The following PHLPP2 variants were observed in gnomAD, a reference collection of about 807,000 sequenced individuals.
The protein encoded by PHLPP2 is PH domain and leucine rich repeat protein phosphatase 2.
Under a neutral mutation model 124.9 loss-of-function variants are expected in PHLPP2, and 66 were observed. That is an observed-to-expected ratio of 0.53 (90% CI 0.43 to 0.65). The LOEUF (loss-of-function observed/expected upper bound fraction) is 0.65. Ranked by LOEUF, PHLPP2 falls within the 30% of genes least tolerant of loss-of-function variation. PHLPP2 has a pLI of 0.00. For synonymous variants in PHLPP2, 681 were observed against 624.7 expected, an observed-to-expected ratio of 1.09 and a Z score of -1.34; for missense variants, 1,685 against 1,600.4, an observed-to-expected ratio of 1.05 and a Z score of -0.90.
chr16:71,663,815 CAT>C (rs1420782109), intron 13 of PHLPP2, 82 bp downstream of exon 13: 1 of 1,034,360 alleles, frequency 9.7e-7, no homozygotes, highest in Non-Finnish European at 1.5e-6. Flanking sequence ...AACAAAGAGT[CAT>C]AGTCAGATGG....
chr16:71,700,519 C>CTTTTTTTT (rs1234453846), intron 3 of PHLPP2, among the ~76,000 whole-genome samples: 57 of 83,354 alleles, frequency 6.8e-4, no homozygotes, highest in Middle Eastern at 0.013. Flanking sequence ...TGACTCATTT[C>CTTTTTTTT]TTTTTTTTTT....
rs377744063 is a variant in PHLPP2, at chr16:71,675,769, G to A, written c.1471+678C>T. 9.2e-5 allele frequency among the ~76,000 whole-genome samples: 14 copies of A among 152,194 alleles called. No individual in the cohort carries two copies. The South Asian group carries it at 2.9e-3, about 32-fold the overall frequency. ...CACAAGTCTCACCCAGTTCTCTCAT[G>A]AGAACATGCAATGGCACGGTCTCAG... On this transcript the variant is annotated intron_variant, in intron 9 of 18. Coordinates refer to ENST00000568954, the MANE Select transcript of PHLPP2 (RefSeq NM_015020.3).
In PHLPP2 at chr16:71,684,650, T is replaced by C. The variant is rs749808745; in HGVS notation, c.610-49A>G. The C allele has an allele frequency of 2.6e-6, 4 of 1,526,896 alleles. No homozygotes were observed. In the African/African-American group the frequency reaches 4.2e-5, roughly 16 times the overall value. 94.6% of individuals were successfully genotyped at this position (1,526,896 alleles called of 1,614,324 possible). A position where few individuals can be genotyped will look rare whatever the true frequency, so the allele number is the denominator to read the frequency against. On this transcript the variant is annotated intron_variant, in intron 4 of 18. Transcript: ENST00000568954. Reference sequence around the variant, plus strand: ...CCAGAACCACTAAAAAAAAAAATCCTAGTCAAAAAGCAAAAGGCAATCACA... The same window carrying C: ...CCAGAACCACTAAAAAAAAAAATCCCAGTCAAAAAGCAAAAGGCAATCACA...
chr16:71,671,396 C>T (rs1347826624), intron 10 of PHLPP2, among the ~76,000 whole-genome samples: 2 of 152,004 alleles, frequency 1.3e-5, no homozygotes, highest in African/African-American at 4.8e-5. Context: ...CTTTGATCTG[C>T]TTTGGGCACC....
chr16:71,647,669 TA>T lies in PHLPP2; in HGVS notation c.*1220del, dbSNP rs1487020275. The T allele has an allele frequency of 2.0e-5, 3 of 152,224 alleles. No individual in the cohort carries two copies. Among genetic ancestry groups the T allele is most frequent in the Non-Finnish European group, 4.4e-5 (3 of 68,050 alleles). The allele number at this position is 152,224 out of a possible 1,614,324, so 9.4% of individuals were successfully genotyped here. On this transcript the variant is annotated 3_prime_UTR_variant, in exon 19 of 19. Coordinates refer to ENST00000568954, the MANE Select transcript of PHLPP2 (RefSeq NM_015020.3). The stretch of plus-strand genomic sequence containing the variant: ...GCTGTCTGCCAATTCCTCCACATGC[TA>T]GGGAAAGACGCCAATCCCTAAATTT...
chr16:71,707,072 A>G (rs1391891363), intron 2 of PHLPP2, among the ~76,000 whole-genome samples: 1 of 144,778 alleles, frequency 6.9e-6, no homozygotes, highest in African/African-American at 2.6e-5. Context: ...CTCCTGCCTC[A>G]GCCTCCCGAG....
chr16:71,688,434 ATTCTTAT>A (rs1470115500), intron 4 of PHLPP2, among the ~76,000 whole-genome samples: 1 of 152,118 alleles, frequency 6.6e-6, no homozygotes, highest in Admixed American at 6.6e-5. Context: ...ATAGGCAGAT[ATTCTTAT>A]TTCTGAATTT....
At chr16:71,683,862 C>T (rs8052489) in intron 5 of PHLPP2, among the ~76,000 whole-genome samples, 52,883 of 151,790 alleles carry the variant, frequency 0.35, 10,016 homozygotes, top group East Asian at 0.76. Flanking sequence ...ATGATCTTGG[C>T]TCACTGCAAT....
intron 7 of PHLPP2, 132 bp downstream of exon 7, chr16:71,679,257 G>T: frequency 1.3e-6 from 1 of 793,660 alleles, no homozygotes; most frequent in Non-Finnish European, 2.0e-6. Context: ...GTCAAAAACT[G>T]CTGCTGACTA....
At chr16:71,679,191 C>T (rs1438119931) in intron 7 of PHLPP2, among the ~76,000 whole-genome samples, 198 bp downstream of exon 7, 1 of 152,192 alleles carries the variant, frequency 6.6e-6, no homozygotes, top group East Asian at 1.9e-4. Flanking sequence ...AGAGTTAAGA[C>T]CGCTGCTGTT....
rs2045242841 is a variant in PHLPP2, at chr16:71,702,650, T to C, written c.366A>G (p.Ile122Met). 4 of 1,611,128 alleles carry C rather than the reference T, an allele frequency of 2.5e-6. No homozygotes were observed. Among genetic ancestry groups the C allele is most frequent in the Non-Finnish European group, 2.5e-6 (3 of 1,178,902 alleles). The change falls in exon 3 of 19, where the codon ATA becomes ATG. Residue 122 changes from isoleucine (I) to methionine (M), a missense_variant. Transcript: ENST00000568954. ...GGTCAGGATTTGTAGCCTCCTCCTG[T>C]ATGCGCACAGGATCATCAAATCCCA... ...SRLGFDDPVR[I>M]QEEATNPDLG...
At chr16:71,672,512 T>C (rs770790129) in intron 9 of PHLPP2, among the ~76,000 whole-genome samples, 190 bp from the exon 10 acceptor site, 2 of 152,230 alleles carry the variant, frequency 1.3e-5, no homozygotes, top group Non-Finnish European at 2.9e-5. Context: ...GAAAAACAAA[T>C]GTAACAGCTA....
chr16:71,697,801 T>TTC (rs1010554941), intron 3 of PHLPP2, among the ~76,000 whole-genome samples: 1 of 146,692 alleles, frequency 6.8e-6, no homozygotes, highest in Non-Finnish European at 1.5e-5. Flanking sequence ...GGTTTGCTCT[T>TTC]TCTCTCTCTC....
intron 18 of PHLPP2, among the ~76,000 whole-genome samples, chr16:71,652,007 C>T (rs1596986321): frequency 6.6e-6 from 1 of 152,130 alleles, no homozygotes. Context: ...ACCAAAAGCA[C>T]GATCCATGAG....
intron 17 of PHLPP2, 77 bp from the exon 18 acceptor site, chr16:71,653,098 T>TA: frequency 5.1e-5 from 33 of 644,002 alleles, no homozygotes; most frequent in Non-Finnish European, 7.4e-5. Context: ...GTACATCCCT[T>TA]CTTTTTTTTT....
At chr16:71,713,626 TGCA>T (rs1315714138) in intron 2 of PHLPP2, among the ~76,000 whole-genome samples, 1 of 152,180 alleles carries the variant, frequency 6.6e-6, no homozygotes, top group Non-Finnish European at 1.5e-5. Flanking sequence ...TGAACACTAC[TGCA>T]GCCATTAAAT....
chr16:71,708,613 C>T (rs775087060), intron 2 of PHLPP2, among the ~76,000 whole-genome samples: 1 of 152,208 alleles, frequency 6.6e-6, no homozygotes, highest in Non-Finnish European at 1.5e-5. Context: ...TGGTGAAACC[C>T]CGTCTCTACT....
At chr16:71,660,487 G>A (rs1409917593) in intron 13 of PHLPP2, among the ~76,000 whole-genome samples, 15 of 126,590 alleles carry the variant, frequency 1.2e-4, no homozygotes, top group African/African-American at 4.2e-4. Context: ...GTGCAGTGGC[G>A]CAATCTTGGC....
chr16:71,678,767 T>C lies in PHLPP2; in HGVS notation c.1256A>G (p.His419Arg). The C allele has an allele frequency of 1.3e-6, 2 of 1,579,222 alleles. No individual in the cohort carries two copies. Among genetic ancestry groups the C allele is most frequent in the African/African-American group, 1.3e-5 (1 of 74,400 alleles). ...GVLNRMNHIK[H>R]VDLRMNHLKT... is the part of the protein sequence containing the mutation. ...AGAATAACCTTACCTTAAATCCACATGCTTGATATGGTTCATCCTATTCAG... is the reference window on the plus strand; with the variant it reads ...AGAATAACCTTACCTTAAATCCACACGCTTGATATGGTTCATCCTATTCAG... The change falls in exon 8 of 19, where the codon CAT (histidine) becomes CGT (arginine). Residue 419 changes from histidine to arginine, a missense_variant. Transcript: ENST00000568954.
Sources: gnomAD v4.1 joint callset for allele counts (sites outside exome capture counted in the v4.1 genomes callset) on GRCh38, gnomAD v4.1.1 for gene constraint, MANE v1.5 for transcripts, NCBI Gene and HGNC (gene_info 2026-07-23, HGNC 2026-07-21) for gene names.